SCRG1: variants seen among roughly 807,000 people sequenced by gnomAD.
SCRG1 encodes the protein scrapie-responsive protein 1.
In SCRG1, 3 loss-of-function variants were observed where a neutral mutation model predicts 7.7. That is an observed-to-expected ratio of 0.39 (90% CI 0.18 to 1.01). The LOEUF (loss-of-function observed/expected upper bound fraction) is 1.01. SCRG1 is among the 50% of genes least tolerant of loss of function. The probability of loss-of-function intolerance (pLI) is 0.36; values close to 1 mark genes in which losing one functional copy is unlikely to be tolerated. For synonymous variants in SCRG1, 46 were observed against 41.2 expected (o/e 1.12, Z -0.44); for missense variants, 110 against 117.2 (o/e 0.94, Z 0.28).
At chr4:173,460,382 C>G in the SCRG1 span, among the ~76,000 whole-genome samples, 1 of 152,188 alleles carries the variant, frequency 6.6e-6, no homozygotes, top group African/African-American at 2.4e-5. Flanking sequence ...CCAGACTGCA[C>G]AGCTCACAGC....
the SCRG1 span, among the ~76,000 whole-genome samples, chr4:173,417,166 A>C: frequency 6.6e-6 from 1 of 152,062 alleles, no homozygotes; most frequent in East Asian, 1.9e-4. Context: ...ACACACACAG[A>C]GCCTTTGTCT....
At chr4:173,483,284 G>A in the SCRG1 span, among the ~76,000 whole-genome samples, 3 of 32,194 alleles carry the variant, frequency 9.3e-5, no homozygotes, top group Admixed American at 6.2e-4. Flanking sequence ...TATAATATAT[G>A]ATATATCATA....
chr4:173,471,986 G>T, the SCRG1 span, among the ~76,000 whole-genome samples: 3 of 152,194 alleles, frequency 2.0e-5, no homozygotes, highest in African/African-American at 7.2e-5. Context: ...TGGGATTACA[G>T]GCGTGAGCCA....
chr4:173,487,164 C>T, the SCRG1 span, among the ~76,000 whole-genome samples: 1 of 152,146 alleles, frequency 6.6e-6, no homozygotes, highest in Non-Finnish European at 1.5e-5. Flanking sequence ...GCAGGCAGGG[C>T]TGAGAATACT....
At chr4:173,415,380 A>G in the SCRG1 span, among the ~76,000 whole-genome samples, 1 of 152,206 alleles carries the variant, frequency 6.6e-6, no homozygotes, top group Non-Finnish European at 1.5e-5. Context: ...CTTGCGGACC[A>G]GTGAATATCC....
the SCRG1 span, among the ~76,000 whole-genome samples, chr4:173,470,681 T>G: frequency 6.6e-6 from 1 of 152,248 alleles, no homozygotes; most frequent in African/African-American, 2.4e-5. Context: ...ACTTGATTTG[T>G]TATTTTTCAC....
At chr4:173,435,124 G>A in the SCRG1 span, among the ~76,000 whole-genome samples, 708 of 2,770 alleles carry the variant, frequency 0.26, 14 homozygotes, top group Non-Finnish European at 0.17. Flanking sequence ...ATCTATGTGT[G>A]TGTGTGTGTG....
At chr4:173,483,831 A>C in the SCRG1 span, among the ~76,000 whole-genome samples, 1 of 15,460 alleles carries the variant, frequency 6.5e-5, no homozygotes, top group African/African-American at 1.4e-4. Context: ...TAATATATAT[A>C]ATATATAATA....
At chr4:173,405,544 C>T (rs1739879269) in intron 1 of SCRG1, among the ~76,000 whole-genome samples, 1 of 152,180 alleles carries the variant, frequency 6.6e-6, no homozygotes, top group African/African-American at 2.4e-5. Context: ...GGAGTAACTA[C>T]ATAAATTTTG....
At chr4:173,473,600 C>T in the SCRG1 span, among the ~76,000 whole-genome samples, 1 of 152,178 alleles carries the variant, frequency 6.6e-6, no homozygotes, top group East Asian at 1.9e-4. Context: ...AGGAAAGGAG[C>T]TTTGTGAAAG....
chr4:173,450,788 C>A, the SCRG1 span, among the ~76,000 whole-genome samples: 1 of 152,164 alleles, frequency 6.6e-6, no homozygotes, highest in Non-Finnish European at 1.5e-5. Context: ...TAGTTCCACG[C>A]ATAACAAAGC....
chr4:173,459,219 A>T, the SCRG1 span, among the ~76,000 whole-genome samples: 2 of 152,222 alleles, frequency 1.3e-5, no homozygotes, highest in African/African-American at 4.8e-5. Context: ...CTAGAAAGAA[A>T]ATCAACAAGG....
At chr4:173,510,514 T>C in the SCRG1 span, among the ~76,000 whole-genome samples, 1 of 152,014 alleles carries the variant, frequency 6.6e-6, no homozygotes, top group African/African-American at 2.4e-5. This position sits in a 1 kb window ranked among gnomAD's most constrained non-coding sequence, Gnocchi z 5.7. Flanking sequence ...TCCAGGTAGC[T>C]CTGTCAGAAG....
the SCRG1 span, among the ~76,000 whole-genome samples, chr4:173,425,450 A>G: frequency 1.3e-5 from 2 of 152,368 alleles, no homozygotes; most frequent in East Asian, 3.9e-4. Context: ...TTTCCAATGC[A>G]GTAAACCTAA....
chr4:173,413,260 G>A, the SCRG1 span, among the ~76,000 whole-genome samples: 1 of 152,246 alleles, frequency 6.6e-6, no homozygotes, highest in South Asian at 2.1e-4. Context: ...GTTAGGAGAA[G>A]CAGATGGCCC....
At chr4:173,461,768 A>G in the SCRG1 span, among the ~76,000 whole-genome samples, 1 of 152,220 alleles carries the variant, frequency 6.6e-6, no homozygotes, top group African/African-American at 2.4e-5. Context: ...GACCTTTCAG[A>G]CAGAGAATTC....
chr4:173,512,152 G>T, the SCRG1 span, among the ~76,000 whole-genome samples: 14 of 152,326 alleles, frequency 9.2e-5, no homozygotes, highest in African/African-American at 3.1e-4. Context: ...CAGGGATGCA[G>T]GGGGCAGAGG....
chr4:173,464,081 G>A, the SCRG1 span, among the ~76,000 whole-genome samples: 1 of 151,910 alleles, frequency 6.6e-6, no homozygotes, highest in Non-Finnish European at 1.5e-5. Context: ...GGAAGGGTGG[G>A]GATTGTTGGA....
At chr4:173,488,535 G>A in the SCRG1 span, among the ~76,000 whole-genome samples, 16 of 152,166 alleles carry the variant, frequency 1.1e-4, no homozygotes, top group Non-Finnish European at 1.6e-4. Flanking sequence ...AGTTAGCTGT[G>A]TAGAAACTGC....
Sources: allele counts gnomAD v4.1 joint callset (sites outside exome capture counted in the v4.1 genomes callset), GRCh38; gene constraint gnomAD v4.1.1; non-coding constraint Gnocchi (gnomAD v3.1); transcripts MANE v1.5; gene names NCBI Gene and HGNC (gene_info 2026-07-23, HGNC 2026-07-21).